MYO16: variants seen among roughly 807,000 people sequenced by gnomAD.
MYO16 encodes the protein unconventional myosin-XVI.
Under a neutral mutation model 205.3 loss-of-function variants are expected in MYO16, and 94 were observed. The ratio of observed to expected loss-of-function variants is 0.46; its 90% CI spans 0.39 to 0.54. MYO16 has a LOEUF of 0.54. Among genes scored for constraint, MYO16 ranks in the 20% least tolerant of loss-of-function variants. MYO16 has a pLI of 0.00. For synonymous variants in MYO16, 988 were observed against 954.0 expected, an observed-to-expected ratio of 1.04 and a Z score of -0.66; for missense variants, 2,315 against 2,387.5, an observed-to-expected ratio of 0.97 and a Z score of 0.63.
At chr13:108,839,517 G>A (rs541053655) in intron 9 of MYO16, among the ~76,000 whole-genome samples, 10 of 152,138 alleles carry the variant, frequency 6.6e-5, no homozygotes, top group African/African-American at 2.4e-4. Context: ...AGACTGCAAG[G>A]CATATGTAGA....
At chr13:108,959,792 T>C (rs996894736) in intron 17 of MYO16, among the ~76,000 whole-genome samples, 2 of 152,012 alleles carry the variant, frequency 1.3e-5, no homozygotes, top group African/African-American at 4.8e-5. Context: ...TCCTTTCTGC[T>C]CAGGAAGGAG....
At chr13:108,605,764 ATTGG>A (rs1459702579) in intron 1 of MYO16, among the ~76,000 whole-genome samples, 1 of 152,146 alleles carries the variant, frequency 6.6e-6, no homozygotes, top group Non-Finnish European at 1.5e-5. Context: ...AATACAGTAA[ATTGG>A]TACCAGGGTA....
chr13:109,199,932 G>A (rs1407136540), intron 34 of MYO16, among the ~76,000 whole-genome samples: 1 of 152,088 alleles, frequency 6.6e-6, no homozygotes, highest in Non-Finnish European at 1.5e-5. Context: ...GCTTTGTATT[G>A]TTTATATAGT....
intron 4 of MYO16, among the ~76,000 whole-genome samples, chr13:108,750,520 G>C (rs1012082164): frequency 2.7e-5 from 4 of 150,830 alleles, no homozygotes; most frequent in African/African-American, 9.8e-5. Flanking sequence ...TATATTCCCA[G>C]CACTTTGGGA....
intron 33 of MYO16, among the ~76,000 whole-genome samples, chr13:109,175,079 A>C (rs1389377498): frequency 3.3e-5 from 5 of 152,066 alleles, no homozygotes; most frequent in Non-Finnish European, 5.9e-5. Context: ...AAGAATTTAC[A>C]TGAACCCACT....
intron 4 of MYO16, among the ~76,000 whole-genome samples, chr13:108,782,900 G>A (rs1293874827): frequency 6.6e-6 from 1 of 152,176 alleles, no homozygotes; most frequent in Non-Finnish European, 1.5e-5. Flanking sequence ...ATTTCAGAAG[G>A]TGTATGGAAA....
At chr13:109,183,399 G>A (rs1879539492) in intron 34 of MYO16, among the ~76,000 whole-genome samples, 1 of 152,236 alleles carries the variant, frequency 6.6e-6, no homozygotes, top group South Asian at 2.1e-4. Flanking sequence ...CCTGAAGGCA[G>A]AATGATGGCA....
chr13:108,830,531 A>G (rs1455532967), intron 9 of MYO16, among the ~76,000 whole-genome samples: 2 of 148,058 alleles, frequency 1.4e-5, no homozygotes, highest in Admixed American at 6.9e-5. Context: ...AACACCGCAT[A>G]TTCTCACTCA....
chr13:108,775,597 T>G (rs1048594592), intron 4 of MYO16, among the ~76,000 whole-genome samples: 1 of 151,274 alleles, frequency 6.6e-6, no homozygotes, highest in African/African-American at 2.4e-5. Context: ...ACCTTTGATA[T>G]GCTGAAAACT....
chr13:108,926,207 T>C (rs553992382), intron 16 of MYO16, among the ~76,000 whole-genome samples: 1 of 152,298 alleles, frequency 6.6e-6, no homozygotes, highest in Admixed American at 6.5e-5. Context: ...GGGAGGTGTC[T>C]AGAAGACCAG....
chr13:108,828,735 G>A (rs916610741), intron 9 of MYO16, among the ~76,000 whole-genome samples: 7 of 152,102 alleles, frequency 4.6e-5, no homozygotes, highest in East Asian at 1.9e-4. Context: ...GTTCAAACAT[G>A]TGGCCAATGA....
chr13:108,509,719 G>A, the MYO16 span, among the ~76,000 whole-genome samples: 167 of 152,260 alleles, frequency 1.1e-3, no homozygotes, highest in Non-Finnish European at 2.0e-3. Context: ...AATGGGTGCA[G>A]CATACCAATA....
chr13:108,978,714 G>A lies in MYO16; in HGVS notation c.2370-13662G>A, dbSNP rs140169304. 9.3e-4 allele frequency among the ~76,000 whole-genome samples: 142 copies of A among 151,988 alleles called. 2 individuals carry two copies. The East Asian group carries it at 0.025, about 27-fold the overall frequency. On this transcript the variant is annotated intron_variant, in intron 20 of 34. Coordinates refer to ENST00000457511, the MANE Select transcript of MYO16 (RefSeq NM_001198950.3). Reference sequence around the variant, plus strand: ...CAAATTTACATTAAAAGTAGGTTGGGTAGCTTTCTCTTTTCTTCCTCTGTT... The same window carrying A: ...CAAATTTACATTAAAAGTAGGTTGGATAGCTTTCTCTTTTCTTCCTCTGTT...
At chr13:108,935,871 A>C (rs1298093259) in intron 16 of MYO16, among the ~76,000 whole-genome samples, 1 of 150,974 alleles carries the variant, frequency 6.6e-6, no homozygotes, top group East Asian at 1.9e-4. Context: ...ACTTTTTTTC[A>C]CATCTATTGA....
chr13:108,714,303 C>T (rs1883847577), intron 3 of MYO16, among the ~76,000 whole-genome samples: 1 of 152,208 alleles, frequency 6.6e-6, no homozygotes, highest in Non-Finnish European at 1.5e-5. Flanking sequence ...GATCCACCCG[C>T]CTTGGCCTCC....
intron 1 of MYO16, among the ~76,000 whole-genome samples, chr13:108,630,205 G>T (rs1007854957): frequency 6.6e-5 from 10 of 150,752 alleles, no homozygotes; most frequent in African/African-American, 2.4e-4. Flanking sequence ...TTGCTCATTG[G>T]CACATGTTAA....
upstream of MYO16, chr13:108,629,552 A>G (rs1879878528): frequency 6.3e-6 from 2 of 316,854 alleles, no homozygotes; most frequent in Non-Finnish European, 1.2e-5. Flanking sequence ...AGAGCTGACT[A>G]TTCCCGGGAT....
intron 33 of MYO16, among the ~76,000 whole-genome samples, chr13:109,174,623 C>A (rs1879077540): frequency 6.6e-6 from 1 of 152,090 alleles, no homozygotes; most frequent in South Asian, 2.1e-4. Flanking sequence ...AACCCTCTTG[C>A]CATTGACTAA....
intron 20 of MYO16, among the ~76,000 whole-genome samples, chr13:108,976,798 C>T (rs1170425385): frequency 1.3e-5 from 2 of 152,048 alleles, no homozygotes; most frequent in Admixed American, 1.3e-4. Context: ...TATATGCTAT[C>T]TTTTTTGGGA....
Sources: gnomAD v4.1 joint callset for allele counts (sites outside exome capture counted in the v4.1 genomes callset) on GRCh38, gnomAD v4.1.1 for gene constraint, MANE v1.5 for transcripts, NCBI Gene and HGNC (gene_info 2026-07-23, HGNC 2026-07-21) for gene names.